Variants in TNN observed in about 807,000 individuals in gnomAD.
The protein encoded by TNN is tenascin-N.
TNN carries 122 observed loss-of-function variants against 134.4 expected under a neutral mutation model. The ratio of observed to expected loss-of-function variants is 0.91; its 90% CI spans 0.78 to 1.06. The LOEUF is 1.06. Among genes scored for constraint, TNN ranks in the 50% least tolerant of loss-of-function variants. TNN has a pLI of 0.00. For synonymous variants in TNN, 710 were observed against 670.3 expected (o/e 1.06, Z -0.91); for missense variants, 1,739 against 1,699.4 (o/e 1.02, Z -0.41).
At chr1:175,094,598 C>T (rs1029698294) in intron 7 of TNN, among the ~76,000 whole-genome samples, 2 of 152,214 alleles carry the variant, frequency 1.3e-5, no homozygotes, top group African/African-American at 4.8e-5. Flanking sequence ...TCTCAGTTTG[C>T]AGTGGCTGTG....
intron 14 of TNN, 73 bp downstream of exon 14, chr1:175,128,237 A>G (rs935840492): frequency 2.2e-6 from 3 of 1,376,770 alleles, no homozygotes; most frequent in African/African-American, 2.9e-5. Context: ...AAAGGAGTCC[A>G]GGGAGGAGCA....
At chr1:175,078,727 C>T (rs1354770907) in intron 2 of TNN, among the ~76,000 whole-genome samples, 1 of 152,218 alleles carries the variant, frequency 6.6e-6, no homozygotes, top group Admixed American at 6.5e-5. Flanking sequence ...GTCTGCCCTC[C>T]AGCTGCCTCT....
At chr1:175,106,226 A>G (rs1406205957) in intron 9 of TNN, among the ~76,000 whole-genome samples, 1 of 145,704 alleles carries the variant, frequency 6.9e-6, no homozygotes, top group Non-Finnish European at 1.5e-5. Flanking sequence ...TCCTATAAAG[A>G]TGTTATGCCA....
rs999594869 is a variant in TNN at position 175,102,373 on chromosome 1, C to T, written c.2119+3778C>T. On this transcript the variant is annotated intron_variant, in intron 9 of 18. Transcript: ENST00000239462. ...GGGGATGGTATTCGTCGGGGAGGCT[C>T]GGGCTGCACAGGAACCCACAGAGGT... Among the ~76,000 whole-genome samples, 5 of 146,024 alleles carry T rather than the reference C, an allele frequency of 3.4e-5. 1 individual carries two copies. The highest frequency in any genetic ancestry group is 6.1e-5 in the Non-Finnish European group (4 of 65,654).
Position 175,088,195 on chromosome 1 carries a change from G to C in TNN, c.1324+2701G>C, listed in dbSNP as rs55808408. 3.1e-3 allele frequency among the ~76,000 whole-genome samples: 468 copies of C among 152,134 alleles called. 1 individual carries two copies. Among genetic ancestry groups the C allele is most frequent in the African/African-American group, 0.011 (443 of 41,538 alleles). On this transcript the variant is annotated intron_variant, in intron 6 of 18. Coordinates refer to ENST00000239462, the MANE Select transcript of TNN (RefSeq NM_022093.2). Reference sequence around the variant, plus strand: ...GCGCCTCTCTCCTTCCCCTTGTTAGGGGGGTGGGTAGGTGGGGCTGGTAGT... The same window carrying C: ...GCGCCTCTCTCCTTCCCCTTGTTAGCGGGGTGGGTAGGTGGGGCTGGTAGT...
At chr1:175,127,958 C>T (rs7547349) in intron 13 of TNN, 74 bp from the exon 14 acceptor site, 44,454 of 1,548,880 alleles carry the variant, frequency 0.029, 1,279 homozygotes, top group African/African-American at 0.14. Context: ...CACCAGGGAA[C>T]GCTGTTGACA....
intron 15 of TNN, among the ~76,000 whole-genome samples, chr1:175,132,790 C>T (rs187864408): frequency 7.2e-5 from 11 of 152,302 alleles, no homozygotes; most frequent in African/African-American, 2.6e-4. Context: ...ATCCATGGTG[C>T]CCCACTCCTT....
intron 17 of TNN, among the ~76,000 whole-genome samples, chr1:175,138,041 C>T (rs1574179531): frequency 6.6e-6 from 1 of 152,258 alleles, no homozygotes; most frequent in East Asian, 1.9e-4. Flanking sequence ...GAGGGCTCTC[C>T]AGGCCTGGGG....
intron 11 of TNN, among the ~76,000 whole-genome samples, chr1:175,120,575 T>C (rs1052563589): frequency 6.6e-6 from 1 of 152,182 alleles, no homozygotes; most frequent in African/African-American, 2.4e-5. Context: ...CCTGTCTGCA[T>C]TGTAGCCAGT....
Position 175,136,934 on chromosome 1 carries a change from G to A in TNN, c.3541G>A (p.Ala1181Thr), listed in dbSNP as rs1675826765. The change falls in exon 17 of 19, where the codon GCC (alanine) becomes ACC (threonine). Residue 1181 changes from alanine to threonine, a missense_variant. Physicochemically the swap from Ala to Thr is moderately conservative, Grantham distance 58. Transcript: ENST00000239462. Reference sequence around the variant, plus strand: ...TGCTATATATGATTTCTTCCAAGTGGCCTCCAGCAAGGAGCGGTATAAGCT... The same window carrying A: ...TGCTATATATGATTTCTTCCAAGTGACCTCCAGCAAGGAGCGGTATAAGCT... Reference protein sequence around the residue: ...AYAIYDFFQVASSKERYKLTV... With the variant: ...AYAIYDFFQVTSSKERYKLTV... The A allele has an allele frequency of 6.2e-7, 1 of 1,614,170 alleles. No individual in the cohort carries two copies.
intron 1 of TNN, among the ~76,000 whole-genome samples, chr1:175,073,931 G>T (rs978992935): frequency 2.0e-5 from 3 of 152,162 alleles, no homozygotes; most frequent in African/African-American, 7.2e-5. Flanking sequence ...CTCAGCTCGG[G>T]CCCTGAACTG....
At chr1:175,116,253 G>A (rs934203578) in intron 9 of TNN, among the ~76,000 whole-genome samples, 34 of 152,076 alleles carry the variant, frequency 2.2e-4, no homozygotes, top group Middle Eastern at 3.2e-3. Flanking sequence ...AGGCAGAGAG[G>A]TAGGTTTGCC....
chr1:175,085,502 C>T lies in TNN; in HGVS notation c.1324+8C>T. The stretch of plus-strand genomic sequence containing the variant: ...TCCTGAATGGCAGGACAGGTGAGAG[C>T]TACTTGGAGGCACTATGGGCATTTA... On this transcript the variant is annotated splice_region_variant and intron_variant, in intron 6 of 18. Transcript: ENST00000239462. The T allele has an allele frequency of 1.3e-6, 2 of 1,587,734 alleles. No homozygotes were observed. Among genetic ancestry groups the T allele is most frequent in the Non-Finnish European group, 1.7e-6 (2 of 1,157,414 alleles).
rs187769221 is a variant in TNN at position 175,112,974 on chromosome 1, A to G, written c.2120-3965A>G. The stretch of plus-strand genomic sequence containing the variant: ...ATTTAATCCATTTACATCCAAGGTT[A>G]TTATTGATAGGAGAGGAGTGACTCC... On this transcript the variant is annotated intron_variant, in intron 9 of 18. Coordinates refer to ENST00000239462, the MANE Select transcript of TNN (RefSeq NM_022093.2). Among the ~76,000 whole-genome samples the G allele has an allele frequency of 1.6e-3, 241 of 152,226 alleles. 2 individuals carry two copies. Among genetic ancestry groups the G allele is most frequent in the Middle Eastern group, 3.4e-3 (1 of 294 alleles).
intron 9 of TNN, among the ~76,000 whole-genome samples, chr1:175,106,042 C>T (rs937283282): frequency 2.7e-5 from 4 of 145,604 alleles, no homozygotes; most frequent in Non-Finnish European, 4.6e-5. Context: ...CGAGGAAGGT[C>T]GGATTTAGTG....
intron 9 of TNN, among the ~76,000 whole-genome samples, chr1:175,104,201 T>A (rs1674796900): frequency 6.9e-6 from 1 of 145,962 alleles, no homozygotes; most frequent in African/African-American, 2.5e-5. Context: ...TGAGGACAGT[T>A]GTCTAGGACA....
rs763942528 is a variant in TNN, at chr1:175,117,109, CT to C, written c.2291del (p.Leu764ArgfsTer4). ...PVGKEQSSTV[L>X]TGLRPGVEYT... ...GGGGAAGGAGCAGAGTAGCACTGTCCTGACGGGCCTGAGGCCGGGTGTGGAG... is the reference window on the plus strand; with the variant it reads ...GGGGAAGGAGCAGAGTAGCACTGTCCGACGGGCCTGAGGCCGGGTGTGGAG... On this transcript the variant is annotated frameshift_variant, in exon 10 of 19. Coordinates refer to ENST00000239462, the MANE Select transcript of TNN (RefSeq NM_022093.2). LOFTEE classifies it high-confidence loss of function. 1.2e-6 allele frequency: 2 copies of C among 1,614,254 alleles called. No homozygotes were observed. Among genetic ancestry groups the C allele is most frequent in the Non-Finnish European group, 1.7e-6 (2 of 1,180,038 alleles).
intron 9 of TNN, among the ~76,000 whole-genome samples, chr1:175,109,868 CTCAGCAG>C (rs922987856): frequency 6.6e-6 from 1 of 151,906 alleles, no homozygotes; most frequent in African/African-American, 2.4e-5. Context: ...TGGATGTATA[CTCAGCAG>C]TGAGGTTGCT....
rs73044962 is a variant in TNN, at chr1:175,089,284, C to T, written c.1324+3790C>T. Reference sequence around the variant, plus strand: ...GCAGGAGGAAACGAGGAAATGACACCGTTCAGGGATTTTTCATGTAACGAG... The same window carrying T: ...GCAGGAGGAAACGAGGAAATGACACTGTTCAGGGATTTTTCATGTAACGAG... On this transcript the variant is annotated intron_variant, in intron 6 of 18. Coordinates refer to ENST00000239462, the MANE Select transcript of TNN (RefSeq NM_022093.2). 3.2e-3 allele frequency among the ~76,000 whole-genome samples: 494 copies of T among 152,250 alleles called. 2 individuals are homozygous for T. The highest frequency in any genetic ancestry group is 0.011 in the African/African-American group (470 of 41,548).
Sources: gnomAD v4.1 joint callset for allele counts (sites outside exome capture counted in the v4.1 genomes callset) on GRCh38, gnomAD v4.1.1 for gene constraint, MANE v1.5 for transcripts, NCBI Gene and HGNC (gene_info 2026-07-23, HGNC 2026-07-21) for gene names.